The following ASIC2 variants were observed in gnomAD, a reference collection of about 807,000 sequenced individuals.
The protein encoded by ASIC2 is acid sensing ion channel subunit 2, also known as acid-sensing ion channel 2.
ASIC2 carries 25 observed loss-of-function variants against 57.3 expected under a neutral mutation model. That is an observed-to-expected ratio of 0.44 (90% CI 0.32 to 0.61). ASIC2 has a LOEUF of 0.61. Among genes scored for constraint, ASIC2 ranks in the 20% least tolerant of loss-of-function variants. ASIC2 has a pLI of 0.06. For synonymous variants in ASIC2, 319 were observed against 307.5 expected, an observed-to-expected ratio of 1.04 and a Z score of -0.39; for missense variants, 641 against 738.1, an observed-to-expected ratio of 0.87 and a Z score of 1.52.
chr17:33,515,808 T>C (rs888376558), intron 1 of ASIC2, among the ~76,000 whole-genome samples: 1 of 152,148 alleles, frequency 6.6e-6, no homozygotes, highest in Non-Finnish European at 1.5e-5. Flanking sequence ...TTCTGAAGAA[T>C]GCAGAGGCCG....
intron 1 of ASIC2, among the ~76,000 whole-genome samples, chr17:33,561,216 T>C (rs932386571): frequency 1.3e-5 from 2 of 152,196 alleles, no homozygotes; most frequent in African/African-American, 4.8e-5. Flanking sequence ...TTTATGGATA[T>C]ATGTATGCAT....
chr17:33,699,953 C>T lies in ASIC2; in HGVS notation c.555+456025G>A, dbSNP rs56383454. ...TTACATAGACTTCTGGATAAAGTAT[C>T]GTAAATATATTTTTAATAGTGTATC... On this transcript the variant is annotated intron_variant, in intron 1 of 9. Transcript: ENST00000359872. Among the ~76,000 whole-genome samples, 1,068 of 151,844 alleles carry T rather than the reference C, an allele frequency of 7.0e-3. 12 individuals are homozygous for T. The highest frequency in any genetic ancestry group is 0.025 in the Admixed American group (387 of 15,266).
chr17:33,196,912 C>T (rs1360798383), intron 1 of ASIC2, among the ~76,000 whole-genome samples: 1 of 152,182 alleles, frequency 6.6e-6, no homozygotes, highest in Non-Finnish European at 1.5e-5. Flanking sequence ...ACTGTAAATA[C>T]CATGGAGGAA....
chr17:33,226,703 G>A (rs1907894078), intron 1 of ASIC2, among the ~76,000 whole-genome samples: 1 of 152,150 alleles, frequency 6.6e-6, no homozygotes, highest in Non-Finnish European at 1.5e-5. Context: ...TTCTCACTGA[G>A]TAAATGAATA....
intron 1 of ASIC2, among the ~76,000 whole-genome samples, chr17:33,557,529 G>A (rs568117252): frequency 5.3e-5 from 8 of 152,280 alleles, no homozygotes; most frequent in Non-Finnish European, 1.2e-4. Context: ...TCTCAACAGA[G>A]CATTATGGGA....
chr17:33,678,435 C>CCACACACACACACACACACACA lies in ASIC2; in HGVS notation c.555+477521_555+477542dup, dbSNP rs71144896. Among the ~76,000 whole-genome samples, 1,010 of 139,582 alleles carry CCACACACACACACACACACACA rather than the reference C, an allele frequency of 7.2e-3. 36 individuals are homozygous for CCACACACACACACACACACACA. Among genetic ancestry groups the CCACACACACACACACACACACA allele is most frequent in the African/African-American group, 0.019 (723 of 38,074 alleles). 91.6% of individuals were successfully genotyped at this position (139,582 alleles called of 152,430 possible). On this transcript the variant is annotated intron_variant, in intron 1 of 9. Transcript: ENST00000359872. ...TCTGAACTATGGTGCCTGGTTCAAT[C>CCACACACACACACACACACACA]CACACACACACACACACACACACAC...
At chr17:33,491,653 C>A (rs911467588) in intron 1 of ASIC2, among the ~76,000 whole-genome samples, 3 of 152,178 alleles carry the variant, frequency 2.0e-5, no homozygotes, top group Non-Finnish European at 4.4e-5. Context: ...TTCTGGGAGG[C>A]CAGGCCCCTG....
intron 1 of ASIC2, among the ~76,000 whole-genome samples, chr17:34,120,722 CTTTTTTTTT>C (rs142959293): frequency 3.2e-5 from 3 of 94,626 alleles, no homozygotes; most frequent in Non-Finnish European, 5.9e-5. Context: ...TGGGGTCCTT[CTTTTTTTTT>C]TTTTTTTCTT....
intron 1 of ASIC2, among the ~76,000 whole-genome samples, chr17:33,670,063 G>T (rs1314090471): frequency 1.3e-5 from 2 of 152,144 alleles, no homozygotes; most frequent in Admixed American, 6.5e-5. Flanking sequence ...AGAAAGGGAG[G>T]CTGGACTTTG....
chr17:33,386,668 C>T (rs139220808), intron 1 of ASIC2, among the ~76,000 whole-genome samples: 102 of 152,290 alleles, frequency 6.7e-4, no homozygotes, highest in African/African-American at 1.9e-3. Flanking sequence ...GGGTCACATA[C>T]GCCCCTGCTC....
chr17:33,872,680 C>T (rs1026419194), intron 1 of ASIC2, among the ~76,000 whole-genome samples: 1 of 152,144 alleles, frequency 6.6e-6, no homozygotes, highest in African/African-American at 2.4e-5. Flanking sequence ...CCCCTTAAGA[C>T]CCCCAGTAAT....
intron 1 of ASIC2, among the ~76,000 whole-genome samples, chr17:34,086,200 A>G (rs1216439649): frequency 6.8e-6 from 1 of 147,248 alleles, no homozygotes; most frequent in East Asian, 2.0e-4. Context: ...CCCTCTACAC[A>G]CTGCTTTGAA....
intron 1 of ASIC2, among the ~76,000 whole-genome samples, chr17:33,962,760 T>C (rs1047332991): frequency 2.6e-5 from 4 of 152,150 alleles, no homozygotes; most frequent in African/African-American, 9.7e-5. Context: ...TTAATATTCA[T>C]GCTCCATTCC....
At chr17:33,069,254 A>G (rs1430139722) in intron 3 of ASIC2, among the ~76,000 whole-genome samples, 6 of 152,172 alleles carry the variant, frequency 3.9e-5, no homozygotes, top group Non-Finnish European at 8.8e-5. Context: ...ATGGCCCAGA[A>G]TATGGTCTAT....
chr17:33,420,678 C>G (rs1237980459), intron 1 of ASIC2, among the ~76,000 whole-genome samples: 2 of 152,130 alleles, frequency 1.3e-5, no homozygotes, highest in Non-Finnish European at 2.9e-5. Context: ...CCAGTCCACC[C>G]CCCTCCAAAA....
chr17:34,037,466 T>C, intron 1 of ASIC2: 1 of 734,456 alleles, frequency 1.4e-6, no homozygotes, highest in Non-Finnish European at 2.1e-6. Context: ...GAATCGATGC[T>C]GTCATGCTCT....
intron 1 of ASIC2, among the ~76,000 whole-genome samples, chr17:33,368,756 C>T (rs1007033): frequency 0.064 from 9,747 of 152,200 alleles, 331 homozygotes; most frequent in South Asian, 0.11. Context: ...TCTTTCCTCT[C>T]TCCTCACCAA....
chr17:34,124,508 A>T (rs1382863825), intron 1 of ASIC2, among the ~76,000 whole-genome samples: 1 of 152,116 alleles, frequency 6.6e-6, no homozygotes, highest in Non-Finnish European at 1.5e-5. Context: ...CCTTAATCTG[A>T]TGGGTTTGCC....
At chr17:33,881,131 A>G (rs1315445394) in intron 1 of ASIC2, among the ~76,000 whole-genome samples, 4 of 152,212 alleles carry the variant, frequency 2.6e-5, no homozygotes, top group African/African-American at 9.7e-5. Context: ...AGAGCTATCT[A>G]TGATAAACCC....
Sources: allele counts gnomAD v4.1 joint callset (sites outside exome capture counted in the v4.1 genomes callset), GRCh38; gene constraint gnomAD v4.1.1; transcripts MANE v1.5; gene names NCBI Gene and HGNC (gene_info 2026-07-23, HGNC 2026-07-21).